The following ESRP2 variants were observed in gnomAD, a reference collection of about 807,000 sequenced individuals.
ESRP2 encodes the protein epithelial splicing regulatory protein 2.
Under a neutral mutation model 78.6 loss-of-function variants are expected in ESRP2, and 48 were observed. The ratio of observed to expected loss-of-function variants is 0.61; its 90% CI spans 0.48 to 0.78. The LOEUF (loss-of-function observed/expected upper bound fraction) is 0.78. ESRP2 is among the 30% of genes least tolerant of loss of function. The pLI, the probability that ESRP2 is intolerant of heterozygous loss-of-function variation, is 0.00. For missense variants in ESRP2, 863 were observed against 965.9 expected (o/e 0.89, Z 1.41); for synonymous variants, 383 against 406.7 (o/e 0.94, Z 0.70).
rs776736506 is a variant in ESRP2, at chr16:68,231,753, C to T, written c.1299+49G>A. ...CAAGTAGGGCAGGGACACAGAGGGCCGCCCTGGAGTAACAGTACATCTGGG... is the reference window on the plus strand; with the variant it reads ...CAAGTAGGGCAGGGACACAGAGGGCTGCCCTGGAGTAACAGTACATCTGGG... On this transcript the variant is annotated intron_variant, in intron 10 of 14. Transcript: ENST00000473183. This position sits in a 1 kb window ranked among gnomAD's most constrained non-coding sequence, Gnocchi z 6.0. 1.5e-5 allele frequency: 24 copies of T among 1,595,236 alleles called. No individual in the cohort carries two copies. In the Admixed American group the frequency reaches 1.5e-4, roughly 10 times the overall value.
At position 68,233,761 on chromosome 16, in the gene ESRP2, C is replaced by G; in HGVS notation, c.556+7G>C. 6.2e-7 allele frequency: 1 copy of G among 1,609,282 alleles called. No individual in the cohort carries two copies. Among genetic ancestry groups the G allele is most frequent in the Non-Finnish European group, 8.5e-7 (1 of 1,175,988 alleles). On this transcript the variant is annotated splice_region_variant and intron_variant, in intron 4 of 14. Transcript: ENST00000473183. ...TCTCCACCCTAACCCTGCTGGGTCACAGATACCCTGTGCCATGGTGGCCAC... is the reference window on the plus strand; with the variant it reads ...TCTCCACCCTAACCCTGCTGGGTCAGAGATACCCTGTGCCATGGTGGCCAC...
chr16:68,231,344 C>T lies in ESRP2; in HGVS notation c.1545G>A (p.Met515Ile), dbSNP rs746747952. Residue 515 changes from methionine (M) to isoleucine (I), a missense_variant, in exon 12 of 15, where the codon ATG becomes ATA. Coordinates refer to ENST00000473183, the MANE Select transcript of ESRP2 (RefSeq NM_024939.3). This position sits in a 1 kb window ranked among gnomAD's most constrained non-coding sequence, Gnocchi z 6.0. ...CAGCTAGGGCTCGCTCTGCTGATGTCATCTGAATGAAGGCATCGCCCGATG... is the reference window on the plus strand; with the variant it reads ...CAGCTAGGGCTCGCTCTGCTGATGTTATCTGAATGAAGGCATCGCCCGATG... ...GRPSGDAFIQ[M>I]TSAERALAAA... 6.2e-7 allele frequency: 1 copy of T among 1,614,150 alleles called. No individual in the cohort carries two copies. The highest frequency in any genetic ancestry group is 8.5e-7 in the Non-Finnish European group (1 of 1,180,008).
chr16:68,235,506 CA>C lies in ESRP2; in HGVS notation c.327+127del, dbSNP rs920605747. 6 of 1,460,306 alleles carry C rather than the reference CA, an allele frequency of 4.1e-6. No individual in the cohort carries two copies. In the African/African-American group the frequency reaches 5.7e-5, roughly 14 times the overall value. 90.5% of individuals were successfully genotyped at this position (1,460,306 alleles called of 1,614,324 possible). ...CACACGCGAGAGTCGCTCAAAGTTT[CA>C]AACAAGAGCCCAGTCCTGCCGCCTG... On this transcript the variant is annotated intron_variant, in intron 2 of 14. Transcript: ENST00000473183. The surrounding 1 kb of genome is among the most constrained non-coding windows in gnomAD (Gnocchi z 5.5).
At position 68,235,986 on chromosome 16, in the gene ESRP2, G is replaced by A; in HGVS notation, c.60C>T (p.Ala20=). 1 of 1,583,804 alleles carries A rather than the reference G, an allele frequency of 6.3e-7. No individual in the cohort carries two copies. The highest frequency in any genetic ancestry group is 8.6e-7 in the Non-Finnish European group (1 of 1,167,702). Residue 20 remains alanine, a synonymous_variant, in exon 1 of 15, where the codon GCC becomes GCT. Coordinates refer to ENST00000473183, the MANE Select transcript of ESRP2 (RefSeq NM_024939.3). The surrounding 1 kb of genome is among the most constrained non-coding windows in gnomAD (Gnocchi z 5.5). The part of the protein sequence containing the change: ...PPGPDPAADP[A]ADPCPWPGSL... ...ATCCGGGCCAGGGGCAGGGGTCCGC[G>A]GCGGGGTCGGCCGCGGGGTCAGGGC...
chr16:68,231,552 A>T lies in ESRP2; in HGVS notation c.1442T>A (p.Ile481Asn). 1.2e-6 allele frequency: 2 copies of T among 1,614,070 alleles called. No homozygotes were observed. The highest frequency in any genetic ancestry group is 1.1e-5 in the South Asian group (1 of 91,080). Residue 481 changes from isoleucine to asparagine, a missense_variant, in exon 11 of 15, where the codon ATC (isoleucine) becomes AAC (asparagine). Coordinates refer to ENST00000473183, the MANE Select transcript of ESRP2 (RefSeq NM_024939.3). This position sits in a 1 kb window ranked among gnomAD's most constrained non-coding sequence, Gnocchi z 6.0. ...TGCTGCCTCCCCCAGAAAGCTCAGGATGTCTTCAATGGTGGCCGTGTAGGG... is the reference window on the plus strand; with the variant it reads ...TGCTGCCTCCCCCAGAAAGCTCAGGTTGTCTTCAATGGTGGCCGTGTAGGG... ...GLPYTATIED[I>N]LSFLGEAAAD...
intron 13 of ESRP2, 76 bp downstream of exon 13, chr16:68,230,765 C>T (rs773706145): frequency 1.7e-4 from 269 of 1,579,832 alleles, no homozygotes; most frequent in Non-Finnish European, 2.2e-4. Context: ...GTTATCTGGT[C>T]CAGAAAGGGG....
At position 68,229,316 on chromosome 16, in the gene ESRP2, G is replaced by T. The variant is rs974398714; in HGVS notation, c.*910C>A. On this transcript the variant is annotated 3_prime_UTR_variant, in exon 15 of 15. Transcript: ENST00000473183. ...GGGTTGGTGTGGAGCCCCTCACTTT[G>T]GGGCAAAGTTAAGGGTCCTGTGTCT... 6.6e-6 allele frequency: 1 copy of T among 152,462 alleles called. No individual in the cohort carries two copies. Among genetic ancestry groups the T allele is most frequent in the South Asian group, 2.1e-4 (1 of 4,818 alleles). 9.4% of individuals were successfully genotyped at this position (152,462 alleles called of 1,614,324 possible).
rs2042157319 is a variant in ESRP2, at chr16:68,232,507, T to C, written c.822-4A>G. ...GAGGCAGAGTGCTACACCACCCCTG[T>C]GGAGCCAGTGCTGTTAGTGCCTCCT... On this transcript the variant is annotated splice_polypyrimidine_tract_variant and splice_region_variant and intron_variant, in intron 7 of 14. Transcript: ENST00000473183. This position sits in a 1 kb window ranked among gnomAD's most constrained non-coding sequence, Gnocchi z 5.2. 1 of 1,614,018 alleles carries C rather than the reference T, an allele frequency of 6.2e-7. No individual in the cohort carries two copies. Among genetic ancestry groups the C allele is most frequent in the African/African-American group, 1.3e-5 (1 of 74,946 alleles).
rs931929601 is a variant in ESRP2 at position 68,230,098 on chromosome 16, C to G, written c.*128G>C. ...GGATGGAGCTGGGGCTTGGGCTCCT[C>G]TAGGTACCTTCTGAGAGCTTTGACA... On this transcript the variant is annotated 3_prime_UTR_variant, in exon 15 of 15. Coordinates refer to ENST00000473183, the MANE Select transcript of ESRP2 (RefSeq NM_024939.3). 4 of 843,296 alleles carry G rather than the reference C, an allele frequency of 4.7e-6. No individual in the cohort carries two copies. The highest frequency in any genetic ancestry group is 5.8e-6 in the Non-Finnish European group (3 of 513,774). 52.2% of individuals were successfully genotyped at this position (843,296 alleles called of 1,614,324 possible). A position where few individuals can be genotyped will look rare whatever the true frequency, so the allele number is the denominator to read the frequency against.
At position 68,230,837 on chromosome 16, in the gene ESRP2, G is replaced by T; in HGVS notation, c.1898+4C>A. On this transcript the variant is annotated splice_donor_region_variant and intron_variant, in intron 13 of 14. Transcript: ENST00000473183. ...ACTGTGATATTCTCTTAGCTGCAGG[G>T]TACCTTGGGTAGTAGGCTGTGTAGT... 6.2e-7 allele frequency: 1 copy of T among 1,614,002 alleles called. No individual in the cohort carries two copies. The highest frequency in any genetic ancestry group is 8.5e-7 in the Non-Finnish European group (1 of 1,179,938).
intron 5 of ESRP2, 62 bp downstream of exon 5, chr16:68,233,265 G>A: frequency 3.5e-6 from 4 of 1,140,702 alleles, no homozygotes. Flanking sequence ...GTCACAGTGG[G>A]GAGGAGCAAT....
rs764821539 is a variant in ESRP2, at chr16:68,235,932, C to T, written c.114G>A (p.Ala38=). The T allele has an allele frequency of 6.2e-7, 1 of 1,611,584 alleles. No individual in the cohort carries two copies. The highest frequency in any genetic ancestry group is 8.5e-7 in the Non-Finnish European group (1 of 1,179,478). The change falls in exon 1 of 15, where the codon GCG becomes GCA. Residue 38 remains alanine, a synonymous_variant. Transcript: ENST00000473183. The surrounding 1 kb of genome is among the most constrained non-coding windows in gnomAD (Gnocchi z 5.5). ...GSLVVLFGAT[A]GALGRDLGSD... ...AGCCCAGGTCCCGTCCCAGCGCACCCGCCGTAGCCCCGAAGAGGACGACCA... is the reference window on the plus strand; with the variant it reads ...AGCCCAGGTCCCGTCCCAGCGCACCTGCCGTAGCCCCGAAGAGGACGACCA...
In ESRP2 at chr16:68,235,031, C is replaced by T. The variant is rs1031906823; in HGVS notation, c.327+603G>A. The T allele has an allele frequency of 2.1e-4, 147 of 704,872 alleles. No individual in the cohort carries two copies. Among genetic ancestry groups the T allele is most frequent in the Non-Finnish European group, 2.5e-4 (145 of 573,874 alleles). The allele number at this position is 704,872 out of a possible 1,614,324, so 43.7% of individuals were successfully genotyped here. A position where few individuals can be genotyped will look rare whatever the true frequency, so the allele number is the denominator to read the frequency against. ...AAGGAAAAGAAAACAGCAATGGAAA[C>T]CACCTCCCACTTCAGCTAGGGCAGG... On this transcript the variant is annotated intron_variant, in intron 2 of 14. Transcript: ENST00000473183. This position sits in a 1 kb window ranked among gnomAD's most constrained non-coding sequence, Gnocchi z 5.5.
In ESRP2 at chr16:68,236,059, G is replaced by T. The variant is rs1392583528; in HGVS notation, c.-14C>A. On this transcript the variant is annotated 5_prime_UTR_variant, in exon 1 of 15. Coordinates refer to ENST00000473183, the MANE Select transcript of ESRP2 (RefSeq NM_024939.3). The surrounding 1 kb of genome is among the most constrained non-coding windows in gnomAD (Gnocchi z 5.2). ...CGGCGGAGTCATGGCCGCAGAGGAA[G>T]GGGGCTCTCGGCCAGACACGCGGAC... 4.2e-6 allele frequency: 6 copies of T among 1,416,600 alleles called. No individual in the cohort carries two copies. The highest frequency in any genetic ancestry group is 6.6e-5 in the Admixed American group (2 of 30,242). The allele number at this position is 1,416,600 out of a possible 1,614,324, so 87.8% of individuals were successfully genotyped here. A position where few individuals can be genotyped will look rare whatever the true frequency, so the allele number is the denominator to read the frequency against.
In ESRP2 at chr16:68,230,273, G is replaced by T. The variant is rs745541984; in HGVS notation, c.2107C>A (p.Pro703Thr). 14 of 1,614,168 alleles carry T rather than the reference G, an allele frequency of 8.7e-6. No homozygotes were observed. The highest frequency in any genetic ancestry group is 1.2e-5 in the Non-Finnish European group (14 of 1,180,024). ...DYTSLMPVGD[P>T]PRTVLQAPKE... ...GGGGCTTGTAACACAGTGCGAGGTG[G>T]GTCACCAACAGGCATCAGACTGGTG... Residue 703 changes from proline to threonine, a missense_variant, in exon 15 of 15, where the codon CCA (proline) becomes ACA (threonine). By Grantham distance (38) the Pro-to-Thr change is conservative (BLOSUM62 -1). Coordinates refer to ENST00000473183, the MANE Select transcript of ESRP2 (RefSeq NM_024939.3).
rs372271836 is a variant in ESRP2 at position 68,232,320 on chromosome 16, C to T, written c.955-32G>A. On this transcript the variant is annotated intron_variant, in intron 8 of 14. Coordinates refer to ENST00000473183, the MANE Select transcript of ESRP2 (RefSeq NM_024939.3). The surrounding 1 kb of genome is among the most constrained non-coding windows in gnomAD (Gnocchi z 5.2). ...GTACAGAGAGCAGCAGCCCATGGGT[C>T]TCAGGCCTGACTCAGATTGGCCCTG... 8.7e-6 allele frequency: 14 copies of T among 1,614,084 alleles called. No individual in the cohort carries two copies. In the South Asian group the frequency reaches 9.9e-5, roughly 11 times the overall value.
In ESRP2 at chr16:68,231,636, G is replaced by C; in HGVS notation, c.1358C>G (p.Pro453Arg). The C allele has an allele frequency of 6.2e-7, 1 of 1,613,938 alleles. No homozygotes were observed. The change falls in exon 11 of 15, where the codon CCC becomes CGC. Residue 453 changes from proline (P) to arginine (R), a missense_variant. By Grantham distance (103) the Pro-to-Arg change is moderately radical. Transcript: ENST00000473183. This position sits in a 1 kb window ranked among gnomAD's most constrained non-coding sequence, Gnocchi z 6.0. ...LLPTLTAPLLPIPFPLAPGTG... is the reference protein window; with the variant it reads ...LLPTLTAPLLRIPFPLAPGTG... ...CCCAGGTGCCAGTGGGAAGGGGATG[G>C]GCAGCAGTGGGGCAGTCAGTGTAGG... is the stretch of plus-strand genomic sequence containing the variant.
Position 68,232,443 on chromosome 16 carries a change from G to C in ESRP2, c.882C>G (p.Arg294=). The C allele has an allele frequency of 6.2e-7, 1 of 1,614,164 alleles. No individual in the cohort carries two copies. The highest frequency in any genetic ancestry group is 8.5e-7 in the Non-Finnish European group (1 of 1,180,040). Residue 294 remains arginine (R), a synonymous_variant, in exon 8 of 15, where the codon CGC becomes CGG. Coordinates refer to ENST00000473183, the MANE Select transcript of ESRP2 (RefSeq NM_024939.3). The surrounding 1 kb of genome is among the most constrained non-coding windows in gnomAD (Gnocchi z 5.2). Reference sequence around the variant, plus strand: ...GGTCCCGCTGCTCGCTGTCCACAAAGCGGATGAGGGCCTCGCCATTTCTGC... The same window carrying C: ...GGTCCCGCTGCTCGCTGTCCACAAACCGGATGAGGGCCTCGCCATTTCTGC... ...QGRRNGEALI[R]FVDSEQRDLA...
chr16:68,233,649 G>C, intron 4 of ESRP2, 119 bp downstream of exon 4: 1 of 800,550 alleles, frequency 1.2e-6, no homozygotes. Flanking sequence ...GTACACTCAG[G>C]GACTTAGCAG....
Sources: gnomAD v4.1 joint callset for allele counts on GRCh38, gnomAD v4.1.1 for gene constraint, Gnocchi (gnomAD v3.1) non-coding constraint, MANE v1.5 for transcripts, NCBI Gene and HGNC (gene_info 2026-07-23, HGNC 2026-07-21) for gene names.